Variants in ERBB4 observed in about 807,000 individuals in gnomAD.
ERBB4 encodes the protein receptor tyrosine-protein kinase erbB-4.
In ERBB4, 42 loss-of-function variants were observed where a neutral mutation model predicts 158.0. The observed-to-expected ratio is 0.27, with a 90% CI of 0.21 to 0.34. The LOEUF (loss-of-function observed/expected upper bound fraction) is 0.34. Among genes scored for constraint, ERBB4 ranks in the 10% least tolerant of loss-of-function variants. The pLI is 1.00. For missense variants in ERBB4, 1,333 were observed against 1,624.1 expected, an observed-to-expected ratio of 0.82 and a Z score of 3.08; for synonymous variants, 583 against 558.7, an observed-to-expected ratio of 1.04 and a Z score of -0.61.
intron 1 of ERBB4, among the ~76,000 whole-genome samples, chr2:212,255,914 A>G (rs143140200): frequency 0.026 from 3,914 of 151,932 alleles, 160 homozygotes; most frequent in African/African-American, 0.089. Flanking sequence ...TCGAACTCCT[A>G]GGCTCAAGGG....
rs373719386 is a variant in ERBB4, at chr2:211,419,741, T to C, written c.3135+700A>G. 8.5e-5 allele frequency among the ~76,000 whole-genome samples: 13 copies of C among 152,158 alleles called. No individual in the cohort carries two copies. In the East Asian group the frequency reaches 1.5e-3, roughly 18 times the overall value. On this transcript the variant is annotated intron_variant, in intron 25 of 27. Transcript: ENST00000342788. ...ATGTATACTAATGCTTCACATACAG[T>C]GGTACTCAATATATGTTGAATGTAT...
chr2:212,319,117 G>A (rs1325796286), intron 1 of ERBB4, among the ~76,000 whole-genome samples: 2 of 151,640 alleles, frequency 1.3e-5, no homozygotes, highest in African/African-American at 4.8e-5. Flanking sequence ...TGTGGCACAA[G>A]TCAAATTGCT....
chr2:211,900,400 A>G (rs980560041), intron 3 of ERBB4, among the ~76,000 whole-genome samples: 3 of 139,804 alleles, frequency 2.1e-5, no homozygotes, highest in African/African-American at 8.3e-5. Flanking sequence ...ACACACACAC[A>G]CCATTTTGCC....
chr2:211,616,597 A>G (rs920595699), intron 19 of ERBB4, among the ~76,000 whole-genome samples: 1 of 152,186 alleles, frequency 6.6e-6, no homozygotes, highest in Non-Finnish European at 1.5e-5. Flanking sequence ...CTAAAAATGT[A>G]GGTATGAAAT....
Position 211,376,746 on chromosome 2 carries a change from T to C in ERBB4, c.*6869A>G, listed in dbSNP as rs1013653590. On this transcript the variant is annotated 3_prime_UTR_variant, in exon 28 of 28. Coordinates refer to ENST00000342788, the MANE Select transcript of ERBB4 (RefSeq NM_005235.3). ...AAGATGACTTTTTTTGTGCTATGAATTGTCTTCCACATTGATCTCATTTTC... is the reference window on the plus strand; with the variant it reads ...AAGATGACTTTTTTTGTGCTATGAACTGTCTTCCACATTGATCTCATTTTC... 2 of 233,048 alleles carry C rather than the reference T, an allele frequency of 8.6e-6. No individual in the cohort carries two copies. Among genetic ancestry groups the C allele is most frequent in the African/African-American group, 2.2e-5 (1 of 45,310 alleles). 14.4% of individuals were successfully genotyped at this position (233,048 alleles called of 1,614,324 possible).
chr2:212,235,525 T>C (rs1297181432), intron 1 of ERBB4, among the ~76,000 whole-genome samples: 1 of 152,186 alleles, frequency 6.6e-6, no homozygotes, highest in South Asian at 2.1e-4. Context: ...GGTAGCTTGA[T>C]GGGGATGGCA....
At chr2:211,474,369 TTTAA>T (rs1574560657) in intron 20 of ERBB4, among the ~76,000 whole-genome samples, 1 of 152,224 alleles carries the variant, frequency 6.6e-6, no homozygotes, top group Non-Finnish European at 1.5e-5. Context: ...GTTTTGAGAA[TTTAA>T]TTAATTTTAT....
At chr2:212,329,916 C>A (rs1181789100) in intron 1 of ERBB4, among the ~76,000 whole-genome samples, 1 of 152,056 alleles carries the variant, frequency 6.6e-6, no homozygotes, top group Non-Finnish European at 1.5e-5. Flanking sequence ...TTAAAATTCA[C>A]CAACTTTTCC....
chr2:211,699,990 T>C (rs1345307176), intron 12 of ERBB4, among the ~76,000 whole-genome samples: 1 of 152,188 alleles, frequency 6.6e-6, no homozygotes, highest in African/African-American at 2.4e-5. Flanking sequence ...TGAATTTTTG[T>C]AGGATTTGCA....
At chr2:211,386,740 T>G (rs1574386068) in intron 27 of ERBB4, 113 bp downstream of exon 27, 2 of 985,140 alleles carry the variant, frequency 2.0e-6, no homozygotes, top group East Asian at 2.5e-5. Flanking sequence ...AGGCCTTTAC[T>G]GGATCACAAA....
At chr2:211,723,880 C>T (rs1327023300) in intron 6 of ERBB4, among the ~76,000 whole-genome samples, 1 of 152,124 alleles carries the variant, frequency 6.6e-6, no homozygotes, top group Non-Finnish European at 1.5e-5. Flanking sequence ...CATTCTGTAC[C>T]AAAAGCCAAA....
At chr2:212,436,292 C>T (rs892130171) in intron 1 of ERBB4, among the ~76,000 whole-genome samples, 2 of 151,814 alleles carry the variant, frequency 1.3e-5, no homozygotes, top group African/African-American at 4.8e-5. Flanking sequence ...CGCTATAGAT[C>T]ACATATTAAA....
At chr2:211,865,040 G>A (rs2078169909) in intron 3 of ERBB4, among the ~76,000 whole-genome samples, 1 of 151,808 alleles carries the variant, frequency 6.6e-6, no homozygotes. Flanking sequence ...ATAAAAGATT[G>A]ACTATAATTT....
intron 20 of ERBB4, among the ~76,000 whole-genome samples, chr2:211,522,294 A>C (rs2066208648): frequency 6.6e-6 from 1 of 152,172 alleles, no homozygotes; most frequent in Non-Finnish European, 1.5e-5. Flanking sequence ...TGAAGGGTTC[A>C]AGATTTCAAT....
At chr2:211,555,248 C>T (rs138893662) in intron 20 of ERBB4, among the ~76,000 whole-genome samples, 5,626 of 152,078 alleles carry the variant, frequency 0.037, 141 homozygotes, top group Middle Eastern at 0.071. Context: ...TGCAATGGCA[C>T]GATCTCGGCT....
chr2:212,155,765 A>G (rs1055804594), intron 1 of ERBB4, among the ~76,000 whole-genome samples: 3 of 152,142 alleles, frequency 2.0e-5, no homozygotes, highest in African/African-American at 7.2e-5. Flanking sequence ...TGTGTCATCA[A>G]TAAATAATCA....
At chr2:212,237,178 C>G (rs543080457) in intron 1 of ERBB4, among the ~76,000 whole-genome samples, 2 of 152,294 alleles carry the variant, frequency 1.3e-5, no homozygotes, top group East Asian at 3.9e-4. Flanking sequence ...GAATTTTCAG[C>G]CTTTCTGCGC....
chr2:211,817,681 C>A (rs930646328), intron 3 of ERBB4, among the ~76,000 whole-genome samples: 1 of 152,082 alleles, frequency 6.6e-6, no homozygotes, highest in African/African-American at 2.4e-5. Context: ...AATATGGACA[C>A]ATGACTAAGT....
intron 1 of ERBB4, among the ~76,000 whole-genome samples, chr2:212,221,271 T>G (rs9288449): frequency 1.7e-4 from 25 of 151,256 alleles, no homozygotes; most frequent in African/African-American, 5.6e-4. Context: ...AAGAGACTCA[T>G]GTAATTACTA....
Sources: allele counts gnomAD v4.1 joint callset (sites outside exome capture counted in the v4.1 genomes callset), GRCh38; gene constraint gnomAD v4.1.1; transcripts MANE v1.5; gene names NCBI Gene and HGNC (gene_info 2026-07-23, HGNC 2026-07-21).